TRDMT1: variants seen among roughly 807,000 people sequenced by gnomAD.
TRDMT1 encodes tRNA (cytosine(38)-C(5))-methyltransferase.
Under a neutral mutation model 51.2 loss-of-function variants are expected in TRDMT1, and 49 were observed. That is an observed-to-expected ratio of 0.96 (90% CI 0.76 to 1.21). The LOEUF (loss-of-function observed/expected upper bound fraction) is 1.21. Ranked by LOEUF, TRDMT1 falls within the 50% of genes most tolerant of loss-of-function variation. The pLI is 0.00. For missense variants in TRDMT1, 534 were observed against 462.3 expected (o/e 1.16, Z -1.42); for synonymous variants, 187 against 164.6 (o/e 1.14, Z -1.04).
chr10:17,156,815 T>C (rs1839585687), intron 8 of TRDMT1, among the ~76,000 whole-genome samples: 1 of 152,222 alleles, frequency 6.6e-6, no homozygotes, highest in East Asian at 1.9e-4. Context: ...TATACATGGA[T>C]ACTTAAATAC....
chr10:17,159,283 C>A, intron 6 of TRDMT1, 54 bp from the exon 7 acceptor site: 1 of 1,287,834 alleles, frequency 7.8e-7, no homozygotes. Flanking sequence ...AGAGCGGTAC[C>A]AACTTTAGCA....
At chr10:17,180,552 A>AC (rs1843160912) in intron 1 of TRDMT1, among the ~76,000 whole-genome samples, 1 of 136,768 alleles carries the variant, frequency 7.3e-6, no homozygotes, top group South Asian at 2.6e-4. Flanking sequence ...AAAAAAAAAA[A>AC]AAAAACTCTC....
In TRDMT1 at chr10:17,149,583, A is replaced by C. The variant is rs937106665; in HGVS notation, c.1076-443T>G. Among the ~76,000 whole-genome samples the C allele has an allele frequency of 5.9e-5, 9 of 152,130 alleles. 1 individual carries two copies. The highest frequency in any genetic ancestry group is 5.2e-4 in the Admixed American group (8 of 15,262). ...ACTGAGTTTTTCAAATATCTCCATT[A>C]TCTAATTCCAGAATATTTTCATTTC... is the stretch of plus-strand genomic sequence containing the variant. On this transcript the variant is annotated intron_variant, in intron 10 of 10. Transcript: ENST00000377799.
At chr10:17,181,424 T>C (rs1291342380) in intron 1 of TRDMT1, among the ~76,000 whole-genome samples, 1 of 152,168 alleles carries the variant, frequency 6.6e-6, no homozygotes, top group East Asian at 1.9e-4. Flanking sequence ...GTCTCATTCA[T>C]ATGGGTACTC....
At chr10:17,192,989 G>A (rs1221394113) in intron 1 of TRDMT1, among the ~76,000 whole-genome samples, 1 of 152,172 alleles carries the variant, frequency 6.6e-6, no homozygotes, top group Admixed American at 6.5e-5. Flanking sequence ...CTTGCGAACT[G>A]AAACAAGACA....
chr10:17,193,681 C>T (rs187466791), intron 1 of TRDMT1, among the ~76,000 whole-genome samples: 1 of 152,102 alleles, frequency 6.6e-6, no homozygotes, highest in Non-Finnish European at 1.5e-5. Flanking sequence ...AATGGAAAAA[C>T]ATCCCATGCT....
intron 10 of TRDMT1, chr10:17,150,897 T>C: frequency 1.0e-6 from 1 of 985,438 alleles, no homozygotes. Context: ...AACAGGCTTT[T>C]AGACTATCCC....
chr10:17,149,991 T>C (rs1838476044), intron 10 of TRDMT1, among the ~76,000 whole-genome samples: 1 of 152,152 alleles, frequency 6.6e-6, no homozygotes, highest in Non-Finnish European at 1.5e-5. Flanking sequence ...CTCTTGGATA[T>C]ATACATAGGG....
chr10:17,171,518 C>T (rs1842016173), intron 2 of TRDMT1: 1 of 152,216 alleles, frequency 6.6e-6, no homozygotes, highest in Admixed American at 6.5e-5. Context: ...TGAGTGAAGG[C>T]TTAACTCTTT....
chr10:17,160,829 C>T (rs1447711652), intron 5 of TRDMT1, among the ~76,000 whole-genome samples: 1 of 152,168 alleles, frequency 6.6e-6, no homozygotes, highest in Non-Finnish European at 1.5e-5. Context: ...GATAATGACC[C>T]TACGTTTTTA....
chr10:17,178,408 G>C (rs541433664), intron 1 of TRDMT1, among the ~76,000 whole-genome samples: 1 of 152,250 alleles, frequency 6.6e-6, no homozygotes, highest in African/African-American at 2.4e-5. Context: ...GGGTGAGGTG[G>C]CTCACACCTG....
At chr10:17,168,178 CT>C (rs1841471518) in intron 3 of TRDMT1, among the ~76,000 whole-genome samples, 1 of 152,012 alleles carries the variant, frequency 6.6e-6, no homozygotes, top group African/African-American at 2.4e-5. Flanking sequence ...AAGTACATAC[CT>C]TTAGTCCCAG....
intron 1 of TRDMT1, among the ~76,000 whole-genome samples, chr10:17,179,907 G>C (rs1264262838): frequency 2.0e-5 from 3 of 151,982 alleles, no homozygotes; most frequent in African/African-American, 7.2e-5. Context: ...TTTAACACAG[G>C]GCAGAAAAAT....
rs748847510 is a variant in TRDMT1, at chr10:17,144,972, G to A, written c.*4068C>T. ...TAAAAAACATGCAAAGGGAGGCTGG[G>A]CGTGGTGGCTCATGCCTGTAAAACC... On this transcript the variant is annotated 3_prime_UTR_variant, in exon 11 of 11. Coordinates refer to ENST00000377799, the MANE Select transcript of TRDMT1 (RefSeq NM_004412.7). 1.0e-6 allele frequency: 1 copy of A among 985,382 alleles called. No homozygotes were observed. The highest frequency in any genetic ancestry group is 1.2e-6 in the Non-Finnish European group (1 of 829,940). The allele number at this position is 985,382 out of a possible 1,614,324, so 61.0% of individuals were successfully genotyped here.
intron 3 of TRDMT1, 135 bp from the exon 4 acceptor site, chr10:17,162,372 T>A: frequency 2.7e-6 from 2 of 754,278 alleles, no homozygotes; most frequent in Non-Finnish European, 4.3e-6. Flanking sequence ...AATAGGGTCA[T>A]CTTTGTTGTT....
chr10:17,185,120 G>A (rs1843717280), intron 1 of TRDMT1, among the ~76,000 whole-genome samples: 1 of 152,118 alleles, frequency 6.6e-6, no homozygotes, highest in African/African-American at 2.4e-5. Context: ...ACTATAATAG[G>A]ACATGGACAT....
At chr10:17,164,659 A>G (rs539795980) in intron 3 of TRDMT1, among the ~76,000 whole-genome samples, 5 of 152,358 alleles carry the variant, frequency 3.3e-5, no homozygotes, top group African/African-American at 1.2e-4. Flanking sequence ...CTGACAAGCA[A>G]CTTCAGCAAA....
At chr10:17,160,273 T>C in intron 6 of TRDMT1, 32 bp downstream of exon 6, 1 of 1,356,160 alleles carries the variant, frequency 7.4e-7, no homozygotes, top group Non-Finnish European at 9.8e-7. Context: ...TAAATTATAA[T>C]TTATATAAGC....
chr10:17,189,143 CTCTT>C (rs1564338030), intron 1 of TRDMT1, among the ~76,000 whole-genome samples: 1 of 152,130 alleles, frequency 6.6e-6, no homozygotes, highest in African/African-American at 2.4e-5. Flanking sequence ...AGGCCATACT[CTCTT>C]TCTGAAGTAT....
Sources: allele counts gnomAD v4.1 joint callset (sites outside exome capture counted in the v4.1 genomes callset), GRCh38; gene constraint gnomAD v4.1.1; transcripts MANE v1.5; gene names NCBI Gene and HGNC (gene_info 2026-07-23, HGNC 2026-07-21).